ASTN1: variants seen among roughly 807,000 people sequenced by gnomAD.
ASTN1 encodes astrotactin 1, also known as astrotactin-1.
ASTN1 carries 41 observed loss-of-function variants against 140.7 expected under a neutral mutation model. The observed-to-expected ratio is 0.29, with a 90% CI of 0.23 to 0.38. The LOEUF (loss-of-function observed/expected upper bound fraction) is 0.38. ASTN1 is among the 10% of genes least tolerant of loss of function. The pLI is 1.00. For missense variants in ASTN1, 1,479 were observed against 1,678.8 expected, an observed-to-expected ratio of 0.88 and a Z score of 2.08; for synonymous variants, 640 against 652.2, an observed-to-expected ratio of 0.98 and a Z score of 0.29.
chr1:177,022,167 G>A (rs183636397), intron 7 of ASTN1, among the ~76,000 whole-genome samples: 20 of 152,176 alleles, frequency 1.3e-4, no homozygotes, highest in Admixed American at 6.5e-4. Context: ...CAGAAGTAAG[G>A]GCTAGATATC....
chr1:177,162,783 C>T (rs569889505), intron 1 of ASTN1, among the ~76,000 whole-genome samples: 1 of 152,304 alleles, frequency 6.6e-6, no homozygotes, highest in South Asian at 2.1e-4. Context: ...AGCATGACTT[C>T]AACGTGAACT....
chr1:177,016,625 T>G (rs1448952983), intron 7 of ASTN1, among the ~76,000 whole-genome samples: 1 of 152,150 alleles, frequency 6.6e-6, no homozygotes, highest in African/African-American at 2.4e-5. Context: ...TTGAGAAGGC[T>G]TCACACCTTC....
Position 176,992,899 on chromosome 1 carries a change from C to T in ASTN1, c.1523+21892G>A, listed in dbSNP as rs1054806833. 7.2e-5 allele frequency among the ~76,000 whole-genome samples: 11 copies of T among 152,196 alleles called. 1 individual carries two copies. Among genetic ancestry groups the T allele is most frequent in the Admixed American group, 7.2e-4 (11 of 15,280 alleles). On this transcript the variant is annotated intron_variant, in intron 8 of 22. Transcript: ENST00000361833. ...GTTGAAGACCCAAGTCCCCATGTGA[C>T]TCTATAGAAGCTAGGGCCTTTAAAA...
At chr1:176,929,509 C>G (rs1173491563) in intron 16 of ASTN1, among the ~76,000 whole-genome samples, 1 of 152,146 alleles carries the variant, frequency 6.6e-6, no homozygotes, top group Admixed American at 6.5e-5. Flanking sequence ...TGACTTTAGT[C>G]CAGAGAAACT....
In ASTN1 at chr1:176,957,825, C is replaced by A. The variant is rs1399717703; in HGVS notation, c.1740G>T (p.Glu580Asp). Residue 580 changes from glutamate (E) to aspartate (D), a missense_variant, in exon 11 of 23, where the codon GAG becomes GAT. Physicochemically the swap from Glu to Asp is conservative, Grantham distance 45. Coordinates refer to ENST00000361833, the MANE Select transcript of ASTN1 (RefSeq NM_004319.3). Reference protein sequence around the residue: ...TVMEDAVEVREELMTSSSFDS... With the variant: ...TVMEDAVEVRDELMTSSSFDS... ...CGAAGGAGGATGAAGTCATCAGCTC[C>A]TCTCTGTGGGGAGAAAGAGTGGGAA... 1 of 1,613,512 alleles carries A rather than the reference C, an allele frequency of 6.2e-7. No homozygotes were observed.
At chr1:176,965,028 C>G in intron 9 of ASTN1, 135 bp downstream of exon 9, 1 of 803,968 alleles carries the variant, frequency 1.2e-6, no homozygotes, top group Non-Finnish European at 2.1e-6. Context: ...GGGGCAAACA[C>G]TTTTGTTAGC....
intron 8 of ASTN1, among the ~76,000 whole-genome samples, chr1:176,967,835 G>A (rs1403816369): frequency 6.6e-6 from 1 of 152,100 alleles, no homozygotes; most frequent in Non-Finnish European, 1.5e-5. Context: ...CAAATTGGAA[G>A]GATGTAGAGG....
chr1:177,043,110 T>A (rs1319252743), intron 2 of ASTN1, among the ~76,000 whole-genome samples: 1 of 152,134 alleles, frequency 6.6e-6, no homozygotes, highest in Non-Finnish European at 1.5e-5. Flanking sequence ...CAGCCTTGGG[T>A]AGATGTAAAG....
Position 176,861,154 on chromosome 1 carries a change from T to C in ASTN1, c.*3130A>G. 1.1e-6 allele frequency: 1 copy of C among 952,156 alleles called. No homozygotes were observed. The highest frequency in any genetic ancestry group is 1.3e-6 in the Non-Finnish European group (1 of 799,480). 59.0% of individuals were successfully genotyped at this position (952,156 alleles called of 1,614,324 possible). A position where few individuals can be genotyped will look rare whatever the true frequency, so the allele number is the denominator to read the frequency against. ...AATTCTCTTTTAAACAACACTGTTA[T>C]ACCTGAAGATGGTCATATTATATTC... On this transcript the variant is annotated 3_prime_UTR_variant, in exon 23 of 23. Transcript: ENST00000361833.
intron 8 of ASTN1, among the ~76,000 whole-genome samples, chr1:177,013,812 C>G (rs565122995): frequency 6.6e-6 from 1 of 152,160 alleles, no homozygotes; most frequent in Non-Finnish European, 1.5e-5. Flanking sequence ...CTTCTCCTCC[C>G]ACCCTCCTTC....
chr1:176,889,129 G>A (rs1669160258), intron 17 of ASTN1, among the ~76,000 whole-genome samples: 1 of 152,226 alleles, frequency 6.6e-6, no homozygotes, highest in Admixed American at 6.5e-5. Context: ...TAAGTAAAAG[G>A]ACAGAAGAAT....
chr1:176,884,653 G>A (rs1467433240), intron 18 of ASTN1, among the ~76,000 whole-genome samples, 163 bp from the exon 19 acceptor site: 1 of 152,126 alleles, frequency 6.6e-6, no homozygotes, highest in Non-Finnish European at 1.5e-5. Context: ...TGTTTTTGAG[G>A]ACTCTTGAGA....
At chr1:177,031,622 C>T (rs1676450589) in intron 3 of ASTN1, among the ~76,000 whole-genome samples, 1 of 152,164 alleles carries the variant, frequency 6.6e-6, no homozygotes, top group African/African-American at 2.4e-5. Context: ...GAATAAAAAC[C>T]TCTATGTGAT....
chr1:177,003,291 C>T (rs1263451055), intron 8 of ASTN1, among the ~76,000 whole-genome samples: 1 of 146,100 alleles, frequency 6.8e-6, no homozygotes, highest in Non-Finnish European at 1.5e-5. Context: ...AAAAAAATCA[C>T]CATAGTCGAA....
downstream of ASTN1, among the ~76,000 whole-genome samples, chr1:176,859,385 A>C (rs1246148550): frequency 6.6e-6 from 1 of 152,178 alleles, no homozygotes; most frequent in African/African-American, 2.4e-5. Flanking sequence ...ATAAGTTCTC[A>C]TCTCCTTTCC....
At chr1:177,142,285 A>C (rs971081081) in intron 1 of ASTN1, among the ~76,000 whole-genome samples, 18 of 151,394 alleles carry the variant, frequency 1.2e-4, no homozygotes, top group Non-Finnish European at 1.5e-5. Flanking sequence ...TTTTTTTTTT[A>C]ATTATGCCTG....
intron 2 of ASTN1, among the ~76,000 whole-genome samples, chr1:177,042,426 C>T (rs2101996249): frequency 6.6e-6 from 1 of 152,304 alleles, no homozygotes; most frequent in Admixed American, 6.5e-5. Flanking sequence ...CCACAAACCA[C>T]TATGAAAGAA....
At chr1:176,959,402 G>C (rs1021526203) in intron 9 of ASTN1, among the ~76,000 whole-genome samples, 2 of 152,018 alleles carry the variant, frequency 1.3e-5, no homozygotes, top group Admixed American at 6.6e-5. Context: ...TTAGCATGCT[G>C]CTCGTACAGC....
intron 1 of ASTN1, among the ~76,000 whole-genome samples, chr1:177,122,955 T>C (rs761864899): frequency 2.0e-5 from 3 of 152,152 alleles, no homozygotes; most frequent in South Asian, 2.1e-4. Context: ...GGGATTATCA[T>C]AACTGAAGCG....
Sources: gnomAD v4.1 joint callset for allele counts (sites outside exome capture counted in the v4.1 genomes callset) on GRCh38, gnomAD v4.1.1 for gene constraint, MANE v1.5 for transcripts, NCBI Gene and HGNC (gene_info 2026-07-23, HGNC 2026-07-21) for gene names.